AFDN: variants seen among roughly 807,000 people sequenced by gnomAD.
AFDN encodes afadin.
In AFDN, 68 loss-of-function variants were observed where a neutral mutation model predicts 216.6. The ratio of observed to expected loss-of-function variants is 0.31; its 90% CI spans 0.26 to 0.38. The LOEUF (loss-of-function observed/expected upper bound fraction) is 0.38. AFDN is among the 10% of genes least tolerant of loss of function. AFDN has a pLI of 1.00. For missense variants in AFDN, 2,136 were observed against 2,342.0 expected, an observed-to-expected ratio of 0.91 and a Z score of 1.82; for synonymous variants, 868 against 853.7, an observed-to-expected ratio of 1.02 and a Z score of -0.29.
intron 2 of AFDN, among the ~76,000 whole-genome samples, chr6:167,868,393 A>G (rs1459127982): frequency 6.6e-6 from 1 of 152,232 alleles, no homozygotes; most frequent in East Asian, 1.9e-4. Flanking sequence ...ATCAAATTTT[A>G]TAGTAAATGC....
intron 6 of AFDN, 84 bp downstream of exon 6, chr6:167,880,601 T>G: frequency 7.5e-7 from 1 of 1,338,524 alleles, no homozygotes; most frequent in South Asian, 1.3e-5. Context: ...AACCTAGATT[T>G]TCAGCCTACC....
At chr6:167,943,350 C>T in intron 24 of AFDN, 52 bp from the exon 25 acceptor site, 2 of 1,548,062 alleles carry the variant, frequency 1.3e-6, no homozygotes, top group Non-Finnish European at 1.8e-6. Context: ...CTTCCTCCCG[C>T]TCTCTTTGCT....
rs758869605 is a variant in AFDN, at chr6:167,962,504, G to A, written c.4905G>A (p.Ala1635=). The change falls in exon 31 of 34, where the codon GCG becomes GCA. Residue 1635 remains alanine, a synonymous_variant. Transcript: ENST00000683244. The surrounding 1 kb of genome is among the most constrained non-coding windows in gnomAD (Gnocchi z 5.2). Reference sequence around the variant, plus strand: ...GCAAGCGGGAAGCGGAAGACCGAGCGAGGCAAGAGGAAGAGCGCCGGCGGC... The same window carrying A: ...GCAAGCGGGAAGCGGAAGACCGAGCAAGGCAAGAGGAAGAGCGCCGGCGGC... The part of the protein sequence containing the change: ...EMRKREAEDR[A]RQEEERRRQE... 8.1e-6 allele frequency: 13 copies of A among 1,613,834 alleles called. No individual in the cohort carries two copies. In the East Asian group the frequency reaches 1.1e-4, roughly 14 times the overall value.
chr6:167,884,043 C>G (rs143783729), intron 6 of AFDN, among the ~76,000 whole-genome samples: 3,008 of 152,350 alleles, frequency 0.02, 56 homozygotes, highest in Non-Finnish European at 0.033. Flanking sequence ...CAACAGTGTT[C>G]ACAGCATCTT....
At chr6:167,870,525 G>A (rs1264473853) in intron 3 of AFDN, 27 bp downstream of exon 3, 2 of 1,476,746 alleles carry the variant, frequency 1.4e-6, no homozygotes, top group African/African-American at 1.4e-5. Context: ...TTTTATGACG[G>A]TCTTGGTCCA....
In AFDN at chr6:167,915,398, C is replaced by T; in HGVS notation, c.2530C>T (p.Leu844=). 1 of 1,614,080 alleles carries T rather than the reference C, an allele frequency of 6.2e-7. No individual in the cohort carries two copies. The highest frequency in any genetic ancestry group is 8.5e-7 in the Non-Finnish European group (1 of 1,179,978). The change falls in exon 19 of 34, where the codon CTG becomes TTG. Residue 844 remains leucine, a synonymous_variant. Coordinates refer to ENST00000683244, the MANE Select transcript of AFDN (RefSeq NM_001386888.1). ...EAWAEKQGLE[L]AADCHLSRIV... is the part of the protein sequence containing the mutation. ...CTGGGCTGAGAAGCAGGGGCTGGAA[C>T]TGGCTGCGGACTGTCATCTGAGCAG...
In AFDN at chr6:167,959,632, C is replaced by T. The variant is rs181424234; in HGVS notation, c.4834-2801C>T. On this transcript the variant is annotated intron_variant, in intron 30 of 33. Coordinates refer to ENST00000683244, the MANE Select transcript of AFDN (RefSeq NM_001386888.1). ...TGTCAAAAAGTAAAGGGTATTATGACCCCATTTTATGTTCAGATACCAGTT... is the reference window on the plus strand; with the variant it reads ...TGTCAAAAAGTAAAGGGTATTATGATCCCATTTTATGTTCAGATACCAGTT... 1.5e-3 allele frequency among the ~76,000 whole-genome samples: 232 copies of T among 152,098 alleles called. 1 individual carries two copies. The highest frequency in any genetic ancestry group is 5.3e-3 in the African/African-American group (221 of 41,494).
intron 30 of AFDN, among the ~76,000 whole-genome samples, chr6:167,961,813 TC>T (rs749043671): frequency 1.3e-5 from 2 of 151,988 alleles, no homozygotes; most frequent in Non-Finnish European, 2.9e-5. Context: ...TGTAGGGTAG[TC>T]CTGAGTCGGG....
At chr6:167,868,762 C>CTTTT (rs35300672) in intron 2 of AFDN, among the ~76,000 whole-genome samples, 2,338 of 122,496 alleles carry the variant, frequency 0.019, 85 homozygotes, top group Non-Finnish European at 0.032. Context: ...ATTGTGCAAT[C>CTTTT]TTTTTTTTTT....
intron 31 of AFDN, chr6:167,964,142 A>AT (rs1331813545): frequency 7.3e-5 from 78 of 1,063,500 alleles, no homozygotes; most frequent in Non-Finnish European, 8.5e-5. Flanking sequence ...TTTGAAATAC[A>AT]CTTGTGTTAG....
chr6:167,919,831 C>CA (rs1791553238), intron 21 of AFDN, among the ~76,000 whole-genome samples: 1 of 152,148 alleles, frequency 6.6e-6, no homozygotes, highest in Non-Finnish European at 1.5e-5. Flanking sequence ...AAGTTAGACT[C>CA]AAAGTGTAGG....
At chr6:167,933,012 T>G (rs1038478617) in intron 23 of AFDN, among the ~76,000 whole-genome samples, 2 of 152,210 alleles carry the variant, frequency 1.3e-5, no homozygotes, top group African/African-American at 4.8e-5. Flanking sequence ...CCATGATATT[T>G]CATCCTGCTG....
intron 22 of AFDN, 53 bp downstream of exon 22, chr6:167,923,012 T>C: frequency 7.9e-7 from 1 of 1,260,080 alleles, no homozygotes; most frequent in Non-Finnish European, 1.2e-6. Context: ...GACTTGAAGA[T>C]GTGATGCAGA....
At chr6:167,860,052 G>T (rs2128214215) in intron 1 of AFDN, among the ~76,000 whole-genome samples, 1 of 150,894 alleles carries the variant, frequency 6.6e-6, no homozygotes, top group Admixed American at 6.6e-5. Context: ...CTGATGAAGT[G>T]ATCATAGGCA....
At chr6:167,880,612 A>T (rs567880610) in intron 6 of AFDN, 95 bp downstream of exon 6, 1 of 1,237,466 alleles carries the variant, frequency 8.1e-7, no homozygotes, top group East Asian at 2.4e-5. Flanking sequence ...TCAGCCTACC[A>T]TATCATTTAG....
At chr6:167,851,375 A>G (rs1380159339) in intron 1 of AFDN, among the ~76,000 whole-genome samples, 1 of 152,186 alleles carries the variant, frequency 6.6e-6, no homozygotes, top group Non-Finnish European at 1.5e-5. Context: ...TTTATCAACC[A>G]GGTATTAAGC....
Position 167,965,869 on chromosome 6 carries a change from C to T in AFDN, c.5081C>T (p.Pro1694Leu), listed in dbSNP as rs1186367607. 14 of 1,549,042 alleles carry T rather than the reference C, an allele frequency of 9.0e-6. No homozygotes were observed. The highest frequency in any genetic ancestry group is 6.8e-5 in the African/African-American group (5 of 73,158). Reference protein sequence around the residue: ...EPEAPGLCRPPLPRDYEPPSP... With the variant: ...EPEAPGLCRPLLPRDYEPPSP... ...GAGGCGCCCGGTCTGTGCCGCCCTC[C>T]GCTTCCCCGGGACTACGAGCCCCCG... Residue 1694 changes from proline to leucine, a missense_variant, in exon 32 of 34, where the codon CCG (proline) becomes CTG (leucine). Physicochemically the swap from Pro to Leu is moderately conservative, Grantham distance 98. Coordinates refer to ENST00000683244, the MANE Select transcript of AFDN (RefSeq NM_001386888.1).
upstream of AFDN, chr6:167,826,786 C>T (rs1779092287): frequency 9.8e-6 from 3 of 307,422 alleles, no homozygotes; most frequent in Non-Finnish European, 1.3e-5. Flanking sequence ...GGCAGCAGCA[C>T]CTAGTGGAGC....
At chr6:167,924,169 A>G (rs1792192930) in intron 22 of AFDN, among the ~76,000 whole-genome samples, 2 of 152,104 alleles carry the variant, frequency 1.3e-5, no homozygotes, top group Admixed American at 6.5e-5. Flanking sequence ...AGCTTTAGTT[A>G]TTATCCTTCT....
Sources: allele counts gnomAD v4.1 joint callset (sites outside exome capture counted in the v4.1 genomes callset), GRCh38; gene constraint gnomAD v4.1.1; non-coding constraint Gnocchi (gnomAD v3.1); transcripts MANE v1.5; gene names NCBI Gene and HGNC (gene_info 2026-07-23, HGNC 2026-07-21).